The following AKAP8L variants were observed in gnomAD, a reference collection of about 807,000 sequenced individuals.
AKAP8L encodes A-kinase anchoring protein 8 like, also known as A-kinase anchor protein 8-like.
A neutral mutation model predicts 77.5 loss-of-function variants in AKAP8L; 34 were observed. The observed-to-expected ratio is 0.44, with a 90% CI of 0.33 to 0.58. The LOEUF is 0.58. AKAP8L is among the 20% of genes least tolerant of loss of function. The probability of loss-of-function intolerance (pLI) is 0.02; values close to 1 mark genes in which losing one functional copy is unlikely to be tolerated. For missense variants in AKAP8L, 806 were observed against 887.6 expected, an observed-to-expected ratio of 0.91 and a Z score of 1.17; for synonymous variants, 342 against 340.7, an observed-to-expected ratio of 1.00 and a Z score of -0.04.
chr19:15,398,874 G>T lies in AKAP8L; in HGVS notation c.1157+428C>A. 2.2e-6 allele frequency: 2 copies of T among 906,156 alleles called. No individual in the cohort carries two copies. Among genetic ancestry groups the T allele is most frequent in the Non-Finnish European group, 2.7e-6 (2 of 740,510 alleles). The allele number at this position is 906,156 out of a possible 1,614,324, so 56.1% of individuals were successfully genotyped here. ...AGAAGGCAGGCCCGAGGCTGCCACA[G>T]CCCACAGGTGCTGCCATCTCTCCTG... On this transcript the variant is annotated intron_variant, in intron 9 of 13. Transcript: ENST00000397410. The surrounding 1 kb of genome is among the most constrained non-coding windows in gnomAD (Gnocchi z 9.2).
rs745368585 is a variant in AKAP8L, at chr19:15,403,798, A to C, written c.122-83T>G. 8.4e-7 allele frequency: 1 copy of C among 1,196,064 alleles called. No homozygotes were observed. Among genetic ancestry groups the C allele is most frequent in the Non-Finnish European group, 1.2e-6 (1 of 826,232 alleles). 74.1% of individuals were successfully genotyped at this position (1,196,064 alleles called of 1,614,324 possible). A position where few individuals can be genotyped will look rare whatever the true frequency, so the allele number is the denominator to read the frequency against. On this transcript the variant is annotated intron_variant, in intron 3 of 13. Transcript: ENST00000397410. This position sits in a 1 kb window ranked among gnomAD's most constrained non-coding sequence, Gnocchi z 4.3. Reference sequence around the variant, plus strand: ...CAGAGACAGAGACAAACACAGATACAAGGGTATCTTCTGTCACAGAGAGAG... The same window carrying C: ...CAGAGACAGAGACAAACACAGATACCAGGGTATCTTCTGTCACAGAGAGAG...
At position 15,399,608 on chromosome 19, in the gene AKAP8L, G is replaced by A. The variant is rs544962751; in HGVS notation, c.1049-198C>T. 1.7e-6 allele frequency: 1 copy of A among 593,400 alleles called. No homozygotes were observed. Among genetic ancestry groups the A allele is most frequent in the East Asian group, 2.9e-5 (1 of 34,774 alleles). 36.8% of individuals were successfully genotyped at this position (593,400 alleles called of 1,614,324 possible). A position where few individuals can be genotyped will look rare whatever the true frequency, so the allele number is the denominator to read the frequency against. On this transcript the variant is annotated intron_variant, in intron 8 of 13. Transcript: ENST00000397410. This position sits in a 1 kb window ranked among gnomAD's most constrained non-coding sequence, Gnocchi z 6.1. ...GGGTTTGGCCTAGGCCCCAAGGAGT[G>A]GGGGCCAGGCGATGACCCCTCCACT...
intron 2 of AKAP8L, among the ~76,000 whole-genome samples, chr19:15,406,394 A>AGAGAGAGAGAGC (rs1968000693): frequency 6.7e-6 from 1 of 149,246 alleles, no homozygotes; most frequent in Non-Finnish European, 1.5e-5. Flanking sequence ...AGAGAGAGAG[A>AGAGAGAGAGAGC]GAGAGAGAGA....
chr19:15,395,983 C>CAAAAAAAAAAAAA (rs751904092), intron 12 of AKAP8L, among the ~76,000 whole-genome samples: 8 of 40,486 alleles, frequency 2.0e-4, no homozygotes, highest in South Asian at 1.3e-3. Flanking sequence ...GACTCCGTCT[C>CAAAAAAAAAAAAA]AAAAAAAAAA....
At chr19:15,418,241 ATTC>A (rs2145157785) in intron 1 of AKAP8L, among the ~76,000 whole-genome samples, 1 of 152,320 alleles carries the variant, frequency 6.6e-6, no homozygotes, top group Admixed American at 6.5e-5. Context: ...TGCTTGAGGA[ATTC>A]TTGTCTGTAT....
In AKAP8L at chr19:15,398,858, G is replaced by A. The variant is rs986272867; in HGVS notation, c.1157+444C>T. The A allele has an allele frequency of 2.1e-6, 2 of 974,312 alleles. No homozygotes were observed. Among genetic ancestry groups the A allele is most frequent in the Non-Finnish European group, 2.5e-6 (2 of 806,346 alleles). 60.4% of individuals were successfully genotyped at this position (974,312 alleles called of 1,614,324 possible). On this transcript the variant is annotated intron_variant, in intron 9 of 13. Coordinates refer to ENST00000397410, the MANE Select transcript of AKAP8L (RefSeq NM_014371.4). This position sits in a 1 kb window ranked among gnomAD's most constrained non-coding sequence, Gnocchi z 9.2. ...GGCCGGCGGGCAGGGCAGAAGGCAG[G>A]CCCGAGGCTGCCACAGCCCACAGGT...
At chr19:15,409,725 G>A (rs12608834) in intron 2 of AKAP8L, among the ~76,000 whole-genome samples, 31,591 of 152,012 alleles carry the variant, frequency 0.21, 4,119 homozygotes, top group East Asian at 0.41. Flanking sequence ...TCCTACTGGT[G>A]GCTACTTCTG....
At chr19:15,400,397 T>C in intron 7 of AKAP8L, 39 bp from the exon 8 acceptor site, 1 of 1,520,708 alleles carries the variant, frequency 6.6e-7, no homozygotes, top group South Asian at 1.2e-5. Flanking sequence ...CAGGTGCCTT[T>C]TTTTTTTTTT....
chr19:15,400,016 G>A, intron 8 of AKAP8L: 1 of 539,546 alleles, frequency 1.9e-6, no homozygotes, highest in Admixed American at 3.3e-5. Flanking sequence ...GCGTGCCTGG[G>A]GTTCCCCACA....
chr19:15,400,285 GAA>G lies in AKAP8L; in HGVS notation c.1048+8_1048+9del. ...GCCGCCCTAGCACCAGGCACCCCAGGAAAACTCACCCTTCTCTGGATCCTCTT... is the reference window on the plus strand; with the variant it reads ...GCCGCCCTAGCACCAGGCACCCCAGGAACTCACCCTTCTCTGGATCCTCTT... On this transcript the variant is annotated splice_region_variant and intron_variant, in intron 8 of 13. Coordinates refer to ENST00000397410, the MANE Select transcript of AKAP8L (RefSeq NM_014371.4). The G allele has an allele frequency of 6.8e-6, 11 of 1,613,276 alleles. No homozygotes were observed. Among genetic ancestry groups the G allele is most frequent in the South Asian group, 1.1e-5 (1 of 91,068 alleles).
In AKAP8L at chr19:15,403,449, C is replaced by T. The variant is rs770773138; in HGVS notation, c.362+26G>A. 1.9e-6 allele frequency: 3 copies of T among 1,612,330 alleles called. No individual in the cohort carries two copies. The Admixed American group carries it at 5.0e-5, about 27-fold the overall frequency. On this transcript the variant is annotated intron_variant, in intron 4 of 13. Coordinates refer to ENST00000397410, the MANE Select transcript of AKAP8L (RefSeq NM_014371.4). The surrounding 1 kb of genome is among the most constrained non-coding windows in gnomAD (Gnocchi z 4.3). ...GGCAGGAGCCGCCCCTGCAGAGTCT[C>T]AACCCCTAGGCAGGTGTCCACTCAC...
intron 12 of AKAP8L, among the ~76,000 whole-genome samples, chr19:15,396,566 C>T (rs529524458): frequency 7.7e-4 from 118 of 152,300 alleles, no homozygotes; most frequent in South Asian, 6.6e-3. Context: ...AGTCAGAAAC[C>T]AGAGTCACCC....
Position 15,397,986 on chromosome 19 carries a change from A to C in AKAP8L, c.1158-131T>G, listed in dbSNP as rs533989098. 17 of 1,181,208 alleles carry C rather than the reference A, an allele frequency of 1.4e-5. No individual in the cohort carries two copies. In the South Asian group the frequency reaches 2.5e-4, roughly 17 times the overall value. The allele number at this position is 1,181,208 out of a possible 1,614,324, so 73.2% of individuals were successfully genotyped here. On this transcript the variant is annotated intron_variant, in intron 9 of 13. Coordinates refer to ENST00000397410, the MANE Select transcript of AKAP8L (RefSeq NM_014371.4). The surrounding 1 kb of genome is among the most constrained non-coding windows in gnomAD (Gnocchi z 4.7). ...GGCCTCTGAAGTACGGTCCCAGCAG[A>C]GGGACAGGCTGGGACCAGTGGGGTC...
In AKAP8L at chr19:15,380,118, C is replaced by T. The variant is rs1364359104; in HGVS notation, c.*4G>A. ...ACGCGGGCTCCGCCCGCCCCGAGCT[C>T]GGGTCACGGGGCGCCCCCGCCGCCC... On this transcript the variant is annotated 3_prime_UTR_variant, in exon 14 of 14. Transcript: ENST00000397410. 3 of 1,480,174 alleles carry T rather than the reference C, an allele frequency of 2.0e-6. No individual in the cohort carries two copies. The highest frequency in any genetic ancestry group is 2.6e-5 in the South Asian group (2 of 78,264). The allele number at this position is 1,480,174 out of a possible 1,614,324, so 91.7% of individuals were successfully genotyped here. A position where few individuals can be genotyped will look rare whatever the true frequency, so the allele number is the denominator to read the frequency against.
intron 1 of AKAP8L, among the ~76,000 whole-genome samples, chr19:15,412,067 G>A (rs1425006157): frequency 6.6e-6 from 1 of 152,212 alleles, no homozygotes; most frequent in Non-Finnish European, 1.5e-5. Flanking sequence ...AATTAGCTGG[G>A]CGTGGTGGTG....
At position 15,380,938 on chromosome 19, in the gene AKAP8L, G is replaced by A. The variant is rs186379699; in HGVS notation, c.1537-326C>T. 3 of 282,340 alleles carry A rather than the reference G, an allele frequency of 1.1e-5. No homozygotes were observed. The East Asian group carries it at 2.1e-4, about 20-fold the overall frequency. 17.5% of individuals were successfully genotyped at this position (282,340 alleles called of 1,614,324 possible). A position where few individuals can be genotyped will look rare whatever the true frequency, so the allele number is the denominator to read the frequency against. Reference sequence around the variant, plus strand: ...ATTAAGAAACTAAGAGCCAAAGGTGGGTGCAACCTGTAACAAGGTGCCAAC... The same window carrying A: ...ATTAAGAAACTAAGAGCCAAAGGTGAGTGCAACCTGTAACAAGGTGCCAAC... On this transcript the variant is annotated intron_variant, in intron 12 of 13. Coordinates refer to ENST00000397410, the MANE Select transcript of AKAP8L (RefSeq NM_014371.4).
Position 15,399,251 on chromosome 19 carries a change from C to A in AKAP8L, c.1157+51G>T. 6.5e-7 allele frequency: 1 copy of A among 1,528,450 alleles called. No individual in the cohort carries two copies. Among genetic ancestry groups the A allele is most frequent in the Non-Finnish European group, 9.1e-7 (1 of 1,103,230 alleles). 94.7% of individuals were successfully genotyped at this position (1,528,450 alleles called of 1,614,324 possible). A position where few individuals can be genotyped will look rare whatever the true frequency, so the allele number is the denominator to read the frequency against. ...CAGAGCTATGGCCCTGCTCTCCTGG[C>A]GGCAGCCCCACAGCGAGGCAGAGGC... is the stretch of plus-strand genomic sequence containing the variant. On this transcript the variant is annotated intron_variant, in intron 9 of 13. Coordinates refer to ENST00000397410, the MANE Select transcript of AKAP8L (RefSeq NM_014371.4). This position sits in a 1 kb window ranked among gnomAD's most constrained non-coding sequence, Gnocchi z 6.1.
chr19:15,385,129 C>T (rs956624026), intron 12 of AKAP8L, among the ~76,000 whole-genome samples: 1 of 152,184 alleles, frequency 6.6e-6, no homozygotes, highest in African/African-American at 2.4e-5. Context: ...AGGCGCCCAC[C>T]ACCACGCCCG....
intron 12 of AKAP8L, 46 bp from the exon 13 acceptor site, chr19:15,380,658 T>C (rs754707554): frequency 1.3e-6 from 2 of 1,587,284 alleles, no homozygotes; most frequent in Non-Finnish European, 1.7e-6. Flanking sequence ...CTGAGTGCCC[T>C]ACAAGTTGCT....
Sources: gnomAD v4.1 joint callset for allele counts (sites outside exome capture counted in the v4.1 genomes callset) on GRCh38, gnomAD v4.1.1 for gene constraint, Gnocchi (gnomAD v3.1) non-coding constraint, MANE v1.5 for transcripts, NCBI Gene and HGNC (gene_info 2026-07-23, HGNC 2026-07-21) for gene names.